Variants in MPIG6B observed in about 807,000 individuals in gnomAD.
The protein encoded by MPIG6B is immunoglobulin receptor.
MPIG6B carries 22 observed loss-of-function variants against 24.2 expected under a neutral mutation model. The ratio of observed to expected loss-of-function variants is 0.91; its 90% CI spans 0.65 to 1.30. The LOEUF (loss-of-function observed/expected upper bound fraction) is 1.30, where lower values mean the gene tolerates loss of function less well. MPIG6B is among the 50% of genes most tolerant of loss of function. The pLI is 0.00. For missense variants in MPIG6B, 301 were observed against 318.5 expected, an observed-to-expected ratio of 0.94 and a Z score of 0.42; for synonymous variants, 136 against 142.0, an observed-to-expected ratio of 0.96 and a Z score of 0.30.
In MPIG6B at chr6:31,724,847, A is replaced by C; in HGVS notation, c.621+3A>C. 6.2e-7 allele frequency: 1 copy of C among 1,613,890 alleles called. No homozygotes were observed. Among genetic ancestry groups the C allele is most frequent in the Non-Finnish European group, 8.5e-7 (1 of 1,179,888 alleles). On this transcript the variant is annotated splice_donor_region_variant and intron_variant, in intron 5 of 5. Coordinates refer to ENST00000649779, the MANE Select transcript of MPIG6B (RefSeq NM_138272.3). ...CAGGGGACCTGGACCAGGAACCGGT[A>C]AGGGCATGGGGATGGGAAGGGGATA...
At chr6:31,720,686 C>T (rs952019637), upstream of MPIG6B, among the ~76,000 whole-genome samples, 3 of 152,162 alleles carry the variant, frequency 2.0e-5, no homozygotes, top group Non-Finnish European at 4.4e-5. The surrounding 1 kb of genome is among the most constrained non-coding windows in gnomAD (Gnocchi z 4.9). Flanking sequence ...TAGCAATTTA[C>T]AATTTACTCT....
upstream of MPIG6B, among the ~76,000 whole-genome samples, chr6:31,722,036 G>C (rs1319029337): frequency 2.0e-5 from 3 of 152,166 alleles, no homozygotes; most frequent in Non-Finnish European, 2.9e-5. Flanking sequence ...ATCATCAAAG[G>C]CCTCTGTGAT....
Position 31,724,249 on chromosome 6 carries a change from C to A in MPIG6B, c.500+17C>A, listed in dbSNP as rs776095281. The A allele has an allele frequency of 1.4e-5, 22 of 1,600,870 alleles. No homozygotes were observed. In the Admixed American group the frequency reaches 2.4e-4, roughly 17 times the overall value. On this transcript the variant is annotated intron_variant, in intron 3 of 5. Coordinates refer to ENST00000649779, the MANE Select transcript of MPIG6B (RefSeq NM_138272.3). ...GCTGCACAGGTGAGCAGGAGGGACC[C>A]GGCCTCGTTAAATGGGGAGTGACCA...
chr6:31,723,273 C>CG, upstream of MPIG6B: 1 of 637,674 alleles, frequency 1.6e-6, no homozygotes, highest in Non-Finnish European at 2.7e-6. The surrounding 1 kb of genome is among the most constrained non-coding windows in gnomAD (Gnocchi z 4.3). Flanking sequence ...CCTCTCTTAT[C>CG]GGAGCCCCCC....
At chr6:31,724,295 A>C in intron 3 of MPIG6B, 63 bp downstream of exon 3, 1 of 1,325,324 alleles carries the variant, frequency 7.5e-7, no homozygotes, top group South Asian at 1.2e-5. Context: ...GGGCAGGACC[A>C]GAACCTTCGC....
At chr6:31,724,093 C>A (rs777912728) in intron 2 of MPIG6B, 49 bp from the exon 3 acceptor site, 3 of 1,582,128 alleles carry the variant, frequency 1.9e-6, no homozygotes, top group South Asian at 2.2e-5. Context: ...GGCTGTCCCT[C>A]GTCAAACCCC....
At position 31,723,987 on chromosome 6, in the gene MPIG6B, G is replaced by C; in HGVS notation, c.409+1G>C. 6.4e-7 allele frequency: 1 copy of C among 1,551,968 alleles called. No individual in the cohort carries two copies. The highest frequency in any genetic ancestry group is 8.7e-7 in the Non-Finnish European group (1 of 1,146,460). On this transcript the variant is annotated splice_donor_variant, in intron 2 of 5. Transcript: ENST00000649779. LOFTEE classifies it high-confidence loss of function. This position sits in a 1 kb window ranked among gnomAD's most constrained non-coding sequence, Gnocchi z 4.3. ...TGCAAGGCCCCCGGGCCTACCCATG[G>C]TAGGTGCAGGCCTGTGCGCACAAGG...
In MPIG6B at chr6:31,723,497, A is replaced by G; in HGVS notation, c.61+53A>G. On this transcript the variant is annotated intron_variant, in intron 1 of 5. Transcript: ENST00000649779. This position sits in a 1 kb window ranked among gnomAD's most constrained non-coding sequence, Gnocchi z 4.3. ...AGACGCAGAGGGGCTGAAGCAAGAT[A>G]AGGGCCGCCTAGTAGGGTGGGTTGT... 1.9e-6 allele frequency: 3 copies of G among 1,547,092 alleles called. No homozygotes were observed. Among genetic ancestry groups the G allele is most frequent in the Non-Finnish European group, 2.7e-6 (3 of 1,121,312 alleles).
At chr6:31,724,547 C>G in intron 3 of MPIG6B, 40 bp from the exon 4 acceptor site, 1 of 1,571,884 alleles carries the variant, frequency 6.4e-7, no homozygotes, top group Non-Finnish European at 8.8e-7. Flanking sequence ...ACCAGTGAGA[C>G]AAGACTGGTG....
chr6:31,722,076 G>A (rs1806830041), upstream of MPIG6B, among the ~76,000 whole-genome samples: 2 of 152,182 alleles, frequency 1.3e-5, no homozygotes, highest in Non-Finnish European at 2.9e-5. Flanking sequence ...AGCTTCTGCT[G>A]GTTCCTGGAA....
Position 31,723,554 on chromosome 6 carries a change from G to A in MPIG6B, c.62-85G>A, listed in dbSNP as rs1806997725. ...GAAGATCCAGGATGGCTGGAGTGCAGAACAGAGAAGAGAAAGAGGAGACGG... is the reference window on the plus strand; with the variant it reads ...GAAGATCCAGGATGGCTGGAGTGCAAAACAGAGAAGAGAAAGAGGAGACGG... On this transcript the variant is annotated intron_variant, in intron 1 of 5. Coordinates refer to ENST00000649779, the MANE Select transcript of MPIG6B (RefSeq NM_138272.3). The surrounding 1 kb of genome is among the most constrained non-coding windows in gnomAD (Gnocchi z 4.3). The A allele has an allele frequency of 2.8e-6, 4 of 1,428,864 alleles. No individual in the cohort carries two copies. The Admixed American group carries it at 5.6e-5, about 20-fold the overall frequency. The allele number at this position is 1,428,864 out of a possible 1,614,324, so 88.5% of individuals were successfully genotyped here.
chr6:31,725,250 A>T lies in MPIG6B; in HGVS notation c.*176A>T, dbSNP rs1430223594. The T allele has an allele frequency of 6.7e-6, 4 of 599,944 alleles. No homozygotes were observed. The highest frequency in any genetic ancestry group is 1.2e-5 in the Non-Finnish European group (4 of 337,472). The allele number at this position is 599,944 out of a possible 1,614,324, so 37.2% of individuals were successfully genotyped here. On this transcript the variant is annotated 3_prime_UTR_variant, in exon 6 of 6. Transcript: ENST00000649779. This position sits in a 1 kb window ranked among gnomAD's most constrained non-coding sequence, Gnocchi z 5.2. ...GTCTCTGCCACTGGTCTTACTTCTA[A>T]ACTTACTCCCATCTCTCCTATAACC... is the stretch of plus-strand genomic sequence containing the variant.
At chr6:31,724,346 C>T (rs1426637565) in intron 3 of MPIG6B, 114 bp downstream of exon 3, 7 of 969,962 alleles carry the variant, frequency 7.2e-6, no homozygotes, top group East Asian at 5.2e-5. Context: ...CCTGGCTTGG[C>T]GAAGAATGGG....
At position 31,724,265 on chromosome 6, in the gene MPIG6B, G is replaced by T. The variant is rs758953666; in HGVS notation, c.500+33G>T. On this transcript the variant is annotated intron_variant, in intron 3 of 5. Transcript: ENST00000649779. ...GGAGGGACCCGGCCTCGTTAAATGG[G>T]GAGTGACCAGAGGTGGAAGGGGCAG... The T allele has an allele frequency of 9.7e-6, 15 of 1,540,178 alleles. No individual in the cohort carries two copies. In the Admixed American group the frequency reaches 2.4e-4, roughly 25 times the overall value.
rs1807328329 is a variant in MPIG6B, at chr6:31,725,911, A to G, written c.*837A>G. The G allele has an allele frequency of 6.6e-6, 1 of 152,240 alleles. No individual in the cohort carries two copies. Among genetic ancestry groups the G allele is most frequent in the South Asian group, 2.1e-4 (1 of 4,834 alleles). 9.4% of individuals were successfully genotyped at this position (152,240 alleles called of 1,614,324 possible). On this transcript the variant is annotated 3_prime_UTR_variant, in exon 6 of 6. Coordinates refer to ENST00000649779, the MANE Select transcript of MPIG6B (RefSeq NM_138272.3). The surrounding 1 kb of genome is among the most constrained non-coding windows in gnomAD (Gnocchi z 5.2). ...TGAATGTCAAACCCAACTCATTGTC[A>G]TCTCTGAAGCTGCTCACTTAATTCT...
intron 3 of MPIG6B, 26 bp from the exon 4 acceptor site, chr6:31,724,561 C>T: frequency 6.2e-7 from 1 of 1,605,978 alleles, no homozygotes; most frequent in Non-Finnish European, 8.5e-7. Context: ...ACTGGTGGTT[C>T]TCAAAGACTC....
chr6:31,724,129 G>A lies in MPIG6B; in HGVS notation c.410-13G>A, dbSNP rs1329766199. Reference sequence around the variant, plus strand: ...TGACCTCAGCATCCCTCCCCGCCACGCCTTTCCCCCAGGGTCCGTGTATCC... The same window carrying A: ...TGACCTCAGCATCCCTCCCCGCCACACCTTTCCCCCAGGGTCCGTGTATCC... On this transcript the variant is annotated splice_polypyrimidine_tract_variant and intron_variant, in intron 2 of 5. Transcript: ENST00000649779. 4.3e-6 allele frequency: 7 copies of A among 1,610,462 alleles called. No homozygotes were observed. The highest frequency in any genetic ancestry group is 3.3e-5 in the South Asian group (3 of 90,712).
At chr6:31,722,613 T>C (rs765345023), upstream of MPIG6B, among the ~76,000 whole-genome samples, 5 of 152,010 alleles carry the variant, frequency 3.3e-5, no homozygotes, top group Non-Finnish European at 7.4e-5. Context: ...TCTCAGCACT[T>C]TGGGAGGCCG....
At chr6:31,721,758 G>A, upstream of MPIG6B, 1 of 1,483,718 alleles carries the variant, frequency 6.7e-7, no homozygotes, top group Non-Finnish European at 9.4e-7. Flanking sequence ...GGAGTTGAGT[G>A]GCCTTTTTGG....
Sources: allele counts gnomAD v4.1 joint callset (sites outside exome capture counted in the v4.1 genomes callset), GRCh38; gene constraint gnomAD v4.1.1; non-coding constraint Gnocchi (gnomAD v3.1); transcripts MANE v1.5; gene names NCBI Gene and HGNC (gene_info 2026-07-23, HGNC 2026-07-21).